DIP2C: variants seen among roughly 807,000 people sequenced by gnomAD.
DIP2C encodes disco-interacting protein 2 homolog C.
In DIP2C, 33 loss-of-function variants were observed where a neutral mutation model predicts 192.4. The observed-to-expected ratio is 0.17, with a 90% CI of 0.13 to 0.23. The LOEUF is 0.23. DIP2C is among the 10% of genes least tolerant of loss of function. The pLI is 1.00. For synonymous variants in DIP2C, 979 were observed against 864.1 expected (o/e 1.13, Z -2.33); for missense variants, 1,537 against 2,110.1 (o/e 0.73, Z 5.32).
chr10:568,408 G>A (rs1009992161), intron 1 of DIP2C, among the ~76,000 whole-genome samples: 1 of 152,110 alleles, frequency 6.6e-6, no homozygotes, highest in Non-Finnish European at 1.5e-5. Flanking sequence ...AAAAAGAAAC[G>A]AATCATCCAA....
At chr10:482,098 A>G (rs1843656698) in intron 2 of DIP2C, among the ~76,000 whole-genome samples, 1 of 152,218 alleles carries the variant, frequency 6.6e-6, no homozygotes, top group Admixed American at 6.5e-5. Context: ...CTCAGGACAG[A>G]GCATCCAAAC....
intron 2 of DIP2C, among the ~76,000 whole-genome samples, chr10:481,899 C>T (rs1178083773): frequency 6.6e-6 from 1 of 151,788 alleles, no homozygotes; most frequent in African/African-American, 2.4e-5. Context: ...CAGCAAATAC[C>T]TGCCCAATGT....
At chr10:657,298 T>A (rs56228842) in intron 1 of DIP2C, among the ~76,000 whole-genome samples, 7 of 2,644 alleles carry the variant, frequency 2.6e-3, no homozygotes, top group Non-Finnish European at 4.8e-3. Flanking sequence ...ACTGGACCTG[T>A]CCCTGGACCT....
chr10:572,250 A>G (rs1041561862), intron 1 of DIP2C, among the ~76,000 whole-genome samples: 4 of 152,240 alleles, frequency 2.6e-5, no homozygotes, highest in African/African-American at 9.6e-5. Context: ...AGCTTTGCTA[A>G]CACGCCCCAA....
rs532996792 is a variant in DIP2C at position 476,636 on chromosome 10, G to A, written c.158-4087C>T. ...TTCTCCCGTGACTGCCTTTTCATTT[G>A]CAATGGGGGCCCCTCTCCCAGGCCC... is the stretch of plus-strand genomic sequence containing the variant. On this transcript the variant is annotated intron_variant, in intron 2 of 36. Coordinates refer to ENST00000280886, the MANE Select transcript of DIP2C (RefSeq NM_014974.3). Among the ~76,000 whole-genome samples, 3 of 152,138 alleles carry A rather than the reference G, an allele frequency of 2.0e-5. No homozygotes were observed. The East Asian group carries it at 5.8e-4, about 29-fold the overall frequency.
At chr10:647,575 T>C (rs1460344003) in intron 1 of DIP2C, among the ~76,000 whole-genome samples, 3 of 142,876 alleles carry the variant, frequency 2.1e-5, no homozygotes, top group African/African-American at 7.9e-5. Context: ...CACGTCCACA[T>C]TTGACGGTGG....
At chr10:539,658 G>A (rs1156543083) in intron 1 of DIP2C, among the ~76,000 whole-genome samples, 1 of 152,174 alleles carries the variant, frequency 6.6e-6, no homozygotes, top group Admixed American at 6.5e-5. Context: ...TTTGGAAGTC[G>A]TTCCTGGTCC....
At chr10:436,116 C>A (rs767850563) in intron 4 of DIP2C, among the ~76,000 whole-genome samples, 2 of 152,104 alleles carry the variant, frequency 1.3e-5, no homozygotes, top group Admixed American at 1.3e-4. Flanking sequence ...CAGTTCAGAC[C>A]GGGCGCACTT....
chr10:487,163 G>A (rs76174396), intron 1 of DIP2C, among the ~76,000 whole-genome samples: 3,457 of 152,172 alleles, frequency 0.023, 135 homozygotes, highest in African/African-American at 0.077. Flanking sequence ...TGGAGCCAGC[G>A]CAAGCACACA....
intron 3 of DIP2C, among the ~76,000 whole-genome samples, chr10:456,924 G>C (rs1969350238): frequency 6.6e-6 from 1 of 152,164 alleles, no homozygotes; most frequent in East Asian, 1.9e-4. Flanking sequence ...ATGTGGACTG[G>C]ATTCTCTGAC....
intron 1 of DIP2C, among the ~76,000 whole-genome samples, chr10:595,194 CAAAG>C (rs1381608702): frequency 2.6e-5 from 4 of 152,288 alleles, no homozygotes; most frequent in Middle Eastern, 3.4e-3. Flanking sequence ...AGTCTCAAAA[CAAAG>C]AAAATACTGT....
In DIP2C at chr10:430,051, G is replaced by A. The variant is rs575615915; in HGVS notation, c.395-7018C>T. Reference sequence around the variant, plus strand: ...CAGCTCCACATCTTCATAGGCTGTGGTGTTGCTAGCATTCTGGATTCTGGG... The same window carrying A: ...CAGCTCCACATCTTCATAGGCTGTGATGTTGCTAGCATTCTGGATTCTGGG... On this transcript the variant is annotated intron_variant, in intron 4 of 36. Coordinates refer to ENST00000280886, the MANE Select transcript of DIP2C (RefSeq NM_014974.3). 8.5e-5 allele frequency among the ~76,000 whole-genome samples: 13 copies of A among 152,320 alleles called. No homozygotes were observed. In the East Asian group the frequency reaches 2.3e-3, roughly 27 times the overall value.
chr10:393,532 C>T (rs1480655282), intron 10 of DIP2C, among the ~76,000 whole-genome samples: 2 of 152,166 alleles, frequency 1.3e-5, no homozygotes, highest in Non-Finnish European at 1.5e-5. Flanking sequence ...AATCCCAGCA[C>T]TTTGGGTGGC....
chr10:311,302 G>T (rs1956555083), intron 31 of DIP2C, among the ~76,000 whole-genome samples: 1 of 152,228 alleles, frequency 6.6e-6, no homozygotes, highest in Non-Finnish European at 1.5e-5. Flanking sequence ...AAGTACAACA[G>T]AGATGAACCA....
chr10:624,653 G>A (rs370132354), intron 1 of DIP2C, among the ~76,000 whole-genome samples: 3 of 152,160 alleles, frequency 2.0e-5, no homozygotes, highest in African/African-American at 7.2e-5. Context: ...GGAGGCGAGC[G>A]TCGGTCTTGC....
intron 31 of DIP2C, among the ~76,000 whole-genome samples, chr10:318,845 T>C (rs1445413923): frequency 6.6e-6 from 1 of 152,076 alleles, no homozygotes; most frequent in African/African-American, 2.4e-5. Flanking sequence ...ATGAAAGTCT[T>C]ATTATTACAA....
At chr10:451,306 T>A (rs1328231968) in intron 3 of DIP2C, among the ~76,000 whole-genome samples, 1 of 152,176 alleles carries the variant, frequency 6.6e-6, no homozygotes, top group Non-Finnish European at 1.5e-5. Context: ...CAACACTTTG[T>A]CTACTTGGAA....
At chr10:382,863 T>C in intron 16 of DIP2C, 102 bp from the exon 17 acceptor site, 1 of 722,340 alleles carries the variant, frequency 1.4e-6, no homozygotes, top group Non-Finnish European at 2.2e-6. Context: ...CAGGCACAAG[T>C]GGATCTAGGC....
At chr10:537,351 AG>A (rs1368495801) in intron 1 of DIP2C, among the ~76,000 whole-genome samples, 1 of 152,072 alleles carries the variant, frequency 6.6e-6, no homozygotes, top group African/African-American at 2.4e-5. Flanking sequence ...CTCCACTGAA[AG>A]GATTCTTATT....
Sources: allele counts gnomAD v4.1 joint callset (sites outside exome capture counted in the v4.1 genomes callset), GRCh38; gene constraint gnomAD v4.1.1; transcripts MANE v1.5; gene names NCBI Gene and HGNC (gene_info 2026-07-23, HGNC 2026-07-21).